Variants in RBBP8 observed in about 807,000 individuals in gnomAD.
RBBP8 encodes the protein RB binding protein 8, endonuclease.
In RBBP8, 88 loss-of-function variants were observed where a neutral mutation model predicts 108.3. That is an observed-to-expected ratio of 0.81 (90% CI 0.68 to 0.97). The LOEUF (loss-of-function observed/expected upper bound fraction) is 0.97, where lower values mean the gene tolerates loss of function less well. Ranked by LOEUF, RBBP8 falls within the 50% of genes least tolerant of loss-of-function variation. The probability of loss-of-function intolerance (pLI) is 0.00; values close to 1 mark genes in which losing one functional copy is unlikely to be tolerated. For synonymous variants in RBBP8, 332 were observed against 348.2 expected (o/e 0.95, Z 0.52); for missense variants, 1,023 against 1,049.0 (o/e 0.98, Z 0.34).
chr18:22,937,235 A>C (rs1458696413), intron 2 of RBBP8: 4 of 415,804 alleles, frequency 9.6e-6, no homozygotes, highest in African/African-American at 4.6e-5. Flanking sequence ...TGTAGGTCCC[A>C]GTACCTGTTG....
rs189431524 is a variant in RBBP8, at chr18:22,926,056, C to A, written c.-153-3327C>A. On this transcript the variant is annotated intron_variant, in intron 3 of 4. Coordinates refer to the RBBP8 transcript ENST00000577588. ...CTTCATAAGCTTATATGAATAGATA[C>A]GAAATATTGTCCAAACAGCCACTGC... Among the ~76,000 whole-genome samples, 448 of 152,216 alleles carry A rather than the reference C, an allele frequency of 2.9e-3. 1 individual carries two copies. The highest frequency in any genetic ancestry group is 0.011 in the African/African-American group (438 of 41,532).
At chr18:22,981,918 A>G (rs918452554) in intron 6 of RBBP8, among the ~76,000 whole-genome samples, 3 of 152,182 alleles carry the variant, frequency 2.0e-5, no homozygotes, top group Non-Finnish European at 4.4e-5. Context: ...ACATAAGTAC[A>G]CAGTACTGCA....
At position 23,016,869 on chromosome 18, in the gene RBBP8, G is replaced by A. The variant is rs759365253; in HGVS notation, c.2399G>A (p.Arg800Gln). 105 of 1,613,604 alleles carry A rather than the reference G, an allele frequency of 6.5e-5. No homozygotes were observed. The highest frequency in any genetic ancestry group is 3.3e-4 in the Middle Eastern group (2 of 6,084). Residue 800 changes from arginine to glutamine, a missense_variant, in exon 17 of 19, where the codon CGG (arginine) becomes CAG (glutamine). Physicochemically the swap from Arg to Gln is conservative, Grantham distance 43 (BLOSUM62 1). Coordinates refer to ENST00000327155, the MANE Select transcript of RBBP8 (RefSeq NM_002894.3). ...AATTTTCCTCATATTGAGGTGGTTC[G>A]GAAAAAAGAGGAGAGAAGAAAACTG... ...LQNFPHIEVV[R>Q]KKEERRKLLG...
intron 3 of RBBP8, among the ~76,000 whole-genome samples, chr18:22,947,967 T>C (rs1381825632): frequency 2.0e-5 from 3 of 152,106 alleles, no homozygotes; most frequent in East Asian, 3.8e-4. Flanking sequence ...ATGGAATATA[T>C]GAATATGGGA....
At chr18:22,983,178 CT>C (rs780264733) in intron 7 of RBBP8, among the ~76,000 whole-genome samples, 1 of 152,172 alleles carries the variant, frequency 6.6e-6, no homozygotes, top group Non-Finnish European at 1.5e-5. Context: ...ACAAGTATTA[CT>C]TTTAGTATTA....
upstream of RBBP8, among the ~76,000 whole-genome samples, chr18:22,932,128 C>A (rs1448137991): frequency 3.3e-5 from 5 of 152,124 alleles, no homozygotes; most frequent in Non-Finnish European, 7.4e-5. Flanking sequence ...TTCTGACTTG[C>A]ATAAATGGAT....
intron 3 of RBBP8, among the ~76,000 whole-genome samples, chr18:22,927,888 CTG>C (rs1467796885): frequency 4.4e-4 from 65 of 146,446 alleles, no homozygotes; most frequent in African/African-American, 1.6e-3. Context: ...GAGTGAGACT[CTG>C]TCTCAAAAAA....
chr18:23,013,407 A>C (rs1295146303), intron 16 of RBBP8, among the ~76,000 whole-genome samples: 1 of 152,070 alleles, frequency 6.6e-6, no homozygotes, highest in Admixed American at 6.6e-5. Flanking sequence ...GATCAATTGA[A>C]CCAGTTTTTT....
At position 22,984,809 on chromosome 18, in the gene RBBP8, A is replaced by C. The variant is rs1044391521; in HGVS notation, c.605-77A>C. The C allele has an allele frequency of 2.4e-4, 204 of 836,102 alleles. 5 individuals are homozygous for C. In the South Asian group the frequency reaches 3.6e-3, roughly 15 times the overall value. The allele number at this position is 836,102 out of a possible 1,614,324, so 51.8% of individuals were successfully genotyped here. A position where few individuals can be genotyped will look rare whatever the true frequency, so the allele number is the denominator to read the frequency against. On this transcript the variant is annotated intron_variant, in intron 7 of 18. Coordinates refer to ENST00000327155, the MANE Select transcript of RBBP8 (RefSeq NM_002894.3). ...ATAATACATAAAAATTTTAAATATGAATAAATAAAAATAATTTGATAATGC... is the reference window on the plus strand; with the variant it reads ...ATAATACATAAAAATTTTAAATATGCATAAATAAAAATAATTTGATAATGC...
At chr18:22,959,866 C>CTAACTTT (rs1912920780) in intron 4 of RBBP8, among the ~76,000 whole-genome samples, 1 of 83,760 alleles carries the variant, frequency 1.2e-5, no homozygotes. Flanking sequence ...ATAAGATGAA[C>CTAACTTT]TTTCTTTTTT....
intron 5 of RBBP8, among the ~76,000 whole-genome samples, chr18:22,974,215 A>T (rs1261578717): frequency 6.6e-6 from 1 of 152,200 alleles, no homozygotes; most frequent in African/African-American, 2.4e-5. Flanking sequence ...CTAAGCATTG[A>T]TGAGAGTTTT....
At chr18:23,005,974 C>T (rs1444649659) in intron 15 of RBBP8, among the ~76,000 whole-genome samples, 1 of 151,872 alleles carries the variant, frequency 6.6e-6, no homozygotes, top group Non-Finnish European at 1.5e-5. Flanking sequence ...ATCATGAGGT[C>T]AGGAGATTGA....
chr18:22,922,908 A>T (rs1909652424), intron 3 of RBBP8, among the ~76,000 whole-genome samples: 1 of 152,226 alleles, frequency 6.6e-6, no homozygotes, highest in Non-Finnish European at 1.5e-5. Context: ...ATATAATAAT[A>T]CTATCTAACT....
At chr18:22,954,028 C>T (rs1394002751) in intron 4 of RBBP8, among the ~76,000 whole-genome samples, 1 of 152,048 alleles carries the variant, frequency 6.6e-6, no homozygotes, top group Non-Finnish European at 1.5e-5. Flanking sequence ...GGGGTAACCA[C>T]CCCCATGATT....
intron 14 of RBBP8, among the ~76,000 whole-genome samples, chr18:23,000,571 A>G (rs112104755): frequency 0.029 from 4,381 of 151,994 alleles, 97 homozygotes; most frequent in Non-Finnish European, 0.044. Context: ...GTGAAACCCC[A>G]TCTCTACTAA....
At chr18:22,984,414 C>T (rs919213444) in intron 7 of RBBP8, among the ~76,000 whole-genome samples, 1 of 152,120 alleles carries the variant, frequency 6.6e-6, no homozygotes, top group Admixed American at 6.5e-5. Context: ...GATAGGGTCT[C>T]ACTCTGTCAT....
At chr18:23,011,767 C>G (rs2046166807) in intron 16 of RBBP8, among the ~76,000 whole-genome samples, 1 of 152,008 alleles carries the variant, frequency 6.6e-6, no homozygotes, top group African/African-American at 2.4e-5. Flanking sequence ...TGTTTTGGGT[C>G]ATCATGAACG....
chr18:22,951,043 A>G (rs916153656), intron 4 of RBBP8, among the ~76,000 whole-genome samples: 3 of 152,252 alleles, frequency 2.0e-5, no homozygotes, highest in Admixed American at 6.5e-5. Context: ...TTCTACAACT[A>G]CCAACTCAAT....
chr18:22,936,171 C>T lies in RBBP8; in HGVS notation c.-98-583C>T, dbSNP rs141252985. Among the ~76,000 whole-genome samples, 468 of 152,190 alleles carry T rather than the reference C, an allele frequency of 3.1e-3. 4 individuals carry two copies. The highest frequency in any genetic ancestry group is 6.8e-3 in the Middle Eastern group (2 of 294). On this transcript the variant is annotated intron_variant, in intron 1 of 18. Transcript: ENST00000327155. Reference sequence around the variant, plus strand: ...GGCTGGAATGCAGTGGCACGATCTCCGCTCACTGCAAATTCCGCCTCCCAG... The same window carrying T: ...GGCTGGAATGCAGTGGCACGATCTCTGCTCACTGCAAATTCCGCCTCCCAG...
Sources: allele counts gnomAD v4.1 joint callset (sites outside exome capture counted in the v4.1 genomes callset), GRCh38; gene constraint gnomAD v4.1.1; transcripts MANE v1.5; gene names NCBI Gene and HGNC (gene_info 2026-07-23, HGNC 2026-07-21).